Variants in RYR3 observed in about 807,000 individuals in gnomAD.
RYR3 encodes ryanodine receptor 3.
A neutral mutation model predicts 584.3 loss-of-function variants in RYR3; 207 were observed. The observed-to-expected ratio is 0.35, with a 90% CI of 0.32 to 0.40. The LOEUF (loss-of-function observed/expected upper bound fraction) is 0.40. Among genes scored for constraint, RYR3 ranks in the 10% least tolerant of loss-of-function variants. RYR3 has a pLI of 1.00. For synonymous variants in RYR3, 2,416 were observed against 2,248.5 expected (o/e 1.07, Z -2.11); for missense variants, 5,616 against 6,089.2 (o/e 0.92, Z 2.59).
At chr15:33,554,752 G>T (rs2056956313) in intron 10 of RYR3, among the ~76,000 whole-genome samples, 1 of 152,016 alleles carries the variant, frequency 6.6e-6, no homozygotes, top group African/African-American at 2.4e-5. Context: ...TTTTTCCATG[G>T]TCTTGACATT....
intron 43 of RYR3, among the ~76,000 whole-genome samples, chr15:33,710,109 T>C (rs1463779733): frequency 6.6e-6 from 1 of 152,222 alleles, no homozygotes; most frequent in African/African-American, 2.4e-5. Flanking sequence ...AGACCATTCT[T>C]GCATTGCTAT....
At chr15:33,570,852 G>C (rs928882905) in intron 12 of RYR3, among the ~76,000 whole-genome samples, 3 of 150,038 alleles carry the variant, frequency 2.0e-5, no homozygotes, top group Non-Finnish European at 3.0e-5. Context: ...TTATTTTTTT[G>C]ATTTCATTTC....
chr15:33,861,741 GTC>G (rs1273536710), intron 102 of RYR3, among the ~76,000 whole-genome samples: 1 of 152,094 alleles, frequency 6.6e-6, no homozygotes, highest in East Asian at 1.9e-4. Flanking sequence ...GCCTCATCAT[GTC>G]TGTCTTTTCT....
chr15:33,347,905 G>C (rs1275307730), intron 1 of RYR3, among the ~76,000 whole-genome samples: 1 of 151,546 alleles, frequency 6.6e-6, no homozygotes, highest in African/African-American at 2.4e-5. Context: ...AGTGATATCA[G>C]AAACCAACTT....
At chr15:33,319,528 T>C (rs1171068375) in intron 1 of RYR3, among the ~76,000 whole-genome samples, 1 of 152,214 alleles carries the variant, frequency 6.6e-6, no homozygotes, top group Non-Finnish European at 1.5e-5. Flanking sequence ...CTTGAACAGA[T>C]CTCATCTCTT....
At chr15:33,320,434 C>T (rs975899794) in intron 1 of RYR3, among the ~76,000 whole-genome samples, 4 of 152,152 alleles carry the variant, frequency 2.6e-5, no homozygotes, top group South Asian at 2.1e-4. Context: ...AATTACTCTC[C>T]ACCCAGCCTT....
intron 1 of RYR3, among the ~76,000 whole-genome samples, chr15:33,368,615 G>A (rs1209535349): frequency 2.0e-5 from 3 of 152,058 alleles, no homozygotes; most frequent in African/African-American, 7.2e-5. Flanking sequence ...CAGTGATAAT[G>A]TTCAATATAA....
Position 33,700,993 on chromosome 15 carries a change from G to A in RYR3, c.6396G>A (p.Arg2132=). The A allele has an allele frequency of 1.2e-6, 2 of 1,613,046 alleles. No individual in the cohort carries two copies. Among genetic ancestry groups the A allele is most frequent in the Admixed American group, 1.7e-5 (1 of 59,958 alleles). ...SSVGLASPSM[R]GSTPLDVAAS... is the part of the protein sequence containing the mutation. Reference sequence around the variant, plus strand: ...CTCCCTCAGCCTCCCCGTCGATGAGGGGATCCACCCCGCTGGATGTGGCAG... The same window carrying A: ...CTCCCTCAGCCTCCCCGTCGATGAGAGGATCCACCCCGCTGGATGTGGCAG... Residue 2132 remains arginine (R), a synonymous_variant, in exon 42 of 104, where the codon AGG becomes AGA. Transcript: ENST00000634891.
At chr15:33,343,445 A>C (rs548557981) in intron 1 of RYR3, among the ~76,000 whole-genome samples, 1 of 152,164 alleles carries the variant, frequency 6.6e-6, no homozygotes, top group Non-Finnish European at 1.5e-5. Flanking sequence ...TGAATCACAC[A>C]AGAGAATCTA....
chr15:33,819,980 G>A (rs1052381813), intron 77 of RYR3, among the ~76,000 whole-genome samples, 173 bp downstream of exon 77: 42 of 152,162 alleles, frequency 2.8e-4, no homozygotes, highest in African/African-American at 1.4e-4. Context: ...CCAATTCACC[G>A]TCTTCCTAAG....
intron 15 of RYR3, 41 bp downstream of exon 15, chr15:33,584,531 G>T (rs1567597401): frequency 4.0e-5 from 31 of 782,730 alleles, no homozygotes; most frequent in South Asian, 1.3e-4. Flanking sequence ...AAGATGAAGG[G>T]TTTTTTTTTT....
At chr15:33,839,384 CTA>C (rs2078225504) in intron 89 of RYR3, among the ~76,000 whole-genome samples, 1 of 152,314 alleles carries the variant, frequency 6.6e-6, no homozygotes, top group East Asian at 1.9e-4. Flanking sequence ...TTTGGCCTCT[CTA>C]TGAGTTTGAT....
intron 42 of RYR3, among the ~76,000 whole-genome samples, chr15:33,704,769 C>T (rs1006637451): frequency 6.6e-6 from 1 of 152,124 alleles, no homozygotes; most frequent in Admixed American, 6.5e-5. Context: ...AGACATGGAG[C>T]CTCCATTGGA....
At chr15:33,814,966 A>T (rs1262378468) in intron 74 of RYR3, among the ~76,000 whole-genome samples, 1 of 149,066 alleles carries the variant, frequency 6.7e-6, no homozygotes, top group Admixed American at 6.7e-5. Context: ...GCTATTTGGG[A>T]GGCTGAAGCA....
At chr15:33,704,947 G>C (rs2066579490) in intron 42 of RYR3, among the ~76,000 whole-genome samples, 1 of 152,204 alleles carries the variant, frequency 6.6e-6, no homozygotes, top group Non-Finnish European at 1.5e-5. Flanking sequence ...AATTACCCAA[G>C]TTTGGTTCAC....
chr15:33,332,387 T>A (rs369486976), intron 1 of RYR3, among the ~76,000 whole-genome samples: 10 of 152,224 alleles, frequency 6.6e-5, no homozygotes, highest in African/African-American at 2.2e-4. Flanking sequence ...TAATGGGAAA[T>A]GTTAACACTT....
chr15:33,649,652 C>G (rs922633477), intron 31 of RYR3, among the ~76,000 whole-genome samples: 2 of 152,214 alleles, frequency 1.3e-5, no homozygotes, highest in African/African-American at 4.8e-5. Flanking sequence ...AGAACTCCTC[C>G]TCCCAAGAGT....
intron 1 of RYR3, among the ~76,000 whole-genome samples, chr15:33,423,103 C>G (rs958686925): frequency 1.3e-5 from 2 of 152,134 alleles, no homozygotes; most frequent in African/African-American, 4.8e-5. Context: ...CCACTATTCC[C>G]AAAACATCTC....
chr15:33,586,185 T>C, intron 16 of RYR3, 69 bp downstream of exon 16: 1 of 902,114 alleles, frequency 1.1e-6, no homozygotes, highest in Non-Finnish European at 1.9e-6. Context: ...GACCATTGTG[T>C]TTTACTGAGA....
Sources: allele counts gnomAD v4.1 joint callset (sites outside exome capture counted in the v4.1 genomes callset), GRCh38; gene constraint gnomAD v4.1.1; transcripts MANE v1.5; gene names NCBI Gene and HGNC (gene_info 2026-07-23, HGNC 2026-07-21).